Variants in TYW1 observed in about 807,000 individuals in gnomAD.
TYW1 encodes the protein S-adenosyl-L-methionine-dependent tRNA 4-demethylwyosine synthase TYW1.
Under a neutral mutation model 96.2 loss-of-function variants are expected in TYW1, and 46 were observed. That is an observed-to-expected ratio of 0.48 (90% CI 0.38 to 0.61). The LOEUF (loss-of-function observed/expected upper bound fraction) is 0.61, where lower values mean the gene tolerates loss of function less well. Ranked by LOEUF, TYW1 falls within the 20% of genes least tolerant of loss-of-function variation. The probability of loss-of-function intolerance (pLI) is 0.00; values close to 1 mark genes in which losing one functional copy is unlikely to be tolerated. For missense variants in TYW1, 684 were observed against 909.6 expected (o/e 0.75, Z 3.19); for synonymous variants, 274 against 323.0 (o/e 0.85, Z 1.63).
intron 11 of TYW1, among the ~76,000 whole-genome samples, chr7:67,087,638 A>G (rs1796589907): frequency 1.3e-5 from 2 of 151,982 alleles, no homozygotes; most frequent in South Asian, 4.1e-4. Flanking sequence ...ACACGTTACC[A>G]TGTCAGGAAA....
intron 15 of TYW1, among the ~76,000 whole-genome samples, chr7:67,204,557 C>CT (rs143415929): frequency 0.041 from 5,654 of 137,754 alleles, 327 homozygotes; most frequent in African/African-American, 0.15. Context: ...TCTTCTTCTT[C>CT]TTCTTTCTTC....
At chr7:67,199,122 A>G (rs543442478) in intron 15 of TYW1, among the ~76,000 whole-genome samples, 1 of 152,244 alleles carries the variant, frequency 6.6e-6, no homozygotes, top group East Asian at 1.9e-4. Context: ...ATCTGAGCCC[A>G]GGAGGTCAAG....
chr7:67,055,754 A>ATT (rs1036870883), intron 8 of TYW1, 81 bp from the exon 9 acceptor site: 169,355 of 1,202,752 alleles, frequency 0.14, 12,477 homozygotes, highest in African/African-American at 0.26. Flanking sequence ...AAAAAAAAAA[A>ATT]TTTTTGCTAA....
chr7:67,087,011 G>A (rs1796569717), intron 11 of TYW1, among the ~76,000 whole-genome samples: 1 of 152,112 alleles, frequency 6.6e-6, no homozygotes, highest in Non-Finnish European at 1.5e-5. Flanking sequence ...TGTGTCTCGG[G>A]CAGTTTGTGT....
chr7:67,025,078 T>C (rs1406255945), intron 7 of TYW1, 56 bp downstream of exon 7: 5 of 1,604,816 alleles, frequency 3.1e-6, no homozygotes, highest in Non-Finnish European at 4.3e-6. Flanking sequence ...TAACATTTAG[T>C]ATTTCTTTAT....
intron 9 of TYW1, among the ~76,000 whole-genome samples, chr7:67,062,985 A>T (rs1161032608): frequency 6.6e-6 from 1 of 152,232 alleles, no homozygotes; most frequent in South Asian, 2.1e-4. Flanking sequence ...CCTGACAAAG[A>T]CAATGCACTA....
intron 13 of TYW1, among the ~76,000 whole-genome samples, chr7:67,155,423 T>C (rs1798936469): frequency 6.6e-6 from 1 of 152,182 alleles, no homozygotes. Context: ...CTGCTGCCCC[T>C]TCACCTTCCA....
intron 15 of TYW1, among the ~76,000 whole-genome samples, chr7:67,203,562 C>G (rs1800670659): frequency 6.6e-6 from 1 of 152,232 alleles, no homozygotes; most frequent in Non-Finnish European, 1.5e-5. Flanking sequence ...TCTCTTAAAT[C>G]TCTTTTCCCT....
At chr7:67,187,052 A>ATTTTTTTT (rs750086247) in intron 14 of TYW1, among the ~76,000 whole-genome samples, 1 of 100,900 alleles carries the variant, frequency 9.9e-6, no homozygotes, top group Non-Finnish European at 2.1e-5. Flanking sequence ...CCACAATTAA[A>ATTTTTTTT]TTTTTTTTTT....
intron 12 of TYW1, among the ~76,000 whole-genome samples, chr7:67,112,940 A>T (rs1797469382): frequency 6.6e-6 from 1 of 152,192 alleles, no homozygotes. Context: ...CCCTGGCAGG[A>T]CATGAGACCT....
intron 7 of TYW1, among the ~76,000 whole-genome samples, chr7:67,028,721 GT>G (rs1794542950): frequency 6.6e-6 from 1 of 152,136 alleles, no homozygotes; most frequent in African/African-American, 2.4e-5. Context: ...GCTTTTGACA[GT>G]TTTTACCAAA....
chr7:67,100,850 CAAAA>C (rs57665696), intron 12 of TYW1, among the ~76,000 whole-genome samples: 4 of 75,610 alleles, frequency 5.3e-5, no homozygotes, highest in African/African-American at 1.6e-4. Flanking sequence ...GGCTACAGAG[CAAAA>C]AAAAAAAAAA....
intron 13 of TYW1, among the ~76,000 whole-genome samples, chr7:67,138,222 GTTTCTCTGC>G (rs1798330362): frequency 6.6e-6 from 1 of 152,088 alleles, no homozygotes; most frequent in African/African-American, 2.4e-5. Context: ...AGTCCTCCTG[GTTTCTCTGC>G]TTCGAGTGTT....
chr7:67,166,358 A>AT (rs1799330090), intron 13 of TYW1, among the ~76,000 whole-genome samples: 6 of 139,690 alleles, frequency 4.3e-5, no homozygotes, highest in African/African-American at 5.3e-5. Flanking sequence ...AATTATATAT[A>AT]ATACATATAT....
intron 3 of TYW1, among the ~76,000 whole-genome samples, chr7:67,003,040 G>C (rs1343677451): frequency 1.7e-4 from 26 of 151,862 alleles, no homozygotes; most frequent in Non-Finnish European, 4.4e-5. Flanking sequence ...GAAAGTGTTA[G>C]GATTACAGGC....
chr7:67,063,360 G>T (rs1795754841), intron 9 of TYW1, among the ~76,000 whole-genome samples: 1 of 152,134 alleles, frequency 6.6e-6, no homozygotes, highest in Non-Finnish European at 1.5e-5. Context: ...ATTAGATTGG[G>T]AACAAGACAA....
intron 10 of TYW1, among the ~76,000 whole-genome samples, chr7:67,067,862 G>C (rs1299540657): frequency 6.6e-6 from 1 of 152,034 alleles, no homozygotes; most frequent in East Asian, 1.9e-4. Context: ...TACAAGCAGT[G>C]AATGTTGTTT....
intron 13 of TYW1, among the ~76,000 whole-genome samples, chr7:67,150,558 C>A (rs1182836686): frequency 6.6e-6 from 1 of 152,218 alleles, no homozygotes; most frequent in Non-Finnish European, 1.5e-5. Context: ...GAAAACCCTT[C>A]TAAATATTAT....
chr7:67,237,778 G>C (rs1335618959), intron 15 of TYW1, among the ~76,000 whole-genome samples: 1 of 152,056 alleles, frequency 6.6e-6, no homozygotes, highest in Non-Finnish European at 1.5e-5. Context: ...AATTTTTCAG[G>C]CTTTCCACTA....
Sources: gnomAD v4.1 joint callset for allele counts (sites outside exome capture counted in the v4.1 genomes callset) on GRCh38, gnomAD v4.1.1 for gene constraint, MANE v1.5 for transcripts, NCBI Gene and HGNC (gene_info 2026-07-23, HGNC 2026-07-21) for gene names.